The following ATP8B4 variants were observed in gnomAD, a reference collection of about 807,000 sequenced individuals.
ATP8B4 encodes probable phospholipid-transporting ATPase IM.
ATP8B4 carries 133 observed loss-of-function variants against 145.6 expected under a neutral mutation model. The ratio of observed to expected loss-of-function variants is 0.91; its 90% CI spans 0.79 to 1.05. The LOEUF (loss-of-function observed/expected upper bound fraction) is 1.05, where lower values mean the gene tolerates loss of function less well. Among genes scored for constraint, ATP8B4 ranks in the 50% least tolerant of loss-of-function variants. ATP8B4 has a pLI of 0.00. For synonymous variants in ATP8B4, 507 were observed against 492.9 expected, an observed-to-expected ratio of 1.03 and a Z score of -0.38; for missense variants, 1,458 against 1,425.2, an observed-to-expected ratio of 1.02 and a Z score of -0.37.
chr15:49,952,151 G>T (rs2043161130), intron 14 of ATP8B4, among the ~76,000 whole-genome samples: 2 of 152,190 alleles, frequency 1.3e-5, no homozygotes. Flanking sequence ...GGACCTTGGA[G>T]AATCTGAAGA....
intron 3 of ATP8B4, among the ~76,000 whole-genome samples, chr15:50,070,115 T>TG (rs1366094443): frequency 6.6e-6 from 1 of 152,214 alleles, no homozygotes; most frequent in Non-Finnish European, 1.5e-5. Flanking sequence ...GCCTTTCATA[T>TG]GGTGAGCCCT....
At chr15:50,054,005 T>A (rs1284731819) in intron 3 of ATP8B4, among the ~76,000 whole-genome samples, 1 of 152,178 alleles carries the variant, frequency 6.6e-6, no homozygotes, top group Non-Finnish European at 1.5e-5. Context: ...AGGACTATCA[T>A]GGAAATGAGA....
chr15:49,879,741 G>C, intron 23 of ATP8B4: 1 of 259,676 alleles, frequency 3.9e-6, no homozygotes. Flanking sequence ...CCCTAACATA[G>C]TGCGGGACAC....
intron 13 of ATP8B4, among the ~76,000 whole-genome samples, chr15:49,967,703 G>A (rs140425526): frequency 0.046 from 6,980 of 152,260 alleles, 228 homozygotes; most frequent in Middle Eastern, 0.11. Flanking sequence ...ACACCCTTCA[G>A]GATATTATCC....
At chr15:49,940,239 T>A (rs1027182639) in intron 14 of ATP8B4, among the ~76,000 whole-genome samples, 3 of 152,162 alleles carry the variant, frequency 2.0e-5, no homozygotes, top group African/African-American at 7.2e-5. Flanking sequence ...AATCATGCCC[T>A]TTGTAGCCAC....
chr15:50,061,788 T>C (rs918293204), intron 3 of ATP8B4, among the ~76,000 whole-genome samples: 1 of 152,168 alleles, frequency 6.6e-6, no homozygotes, highest in African/African-American at 2.4e-5. Flanking sequence ...AGTCAGGTCA[T>C]TTTTACACTA....
At chr15:49,901,668 A>C (rs1224376776) in intron 20 of ATP8B4, 1 of 300,534 alleles carries the variant, frequency 3.3e-6, no homozygotes, top group East Asian at 9.6e-5. Flanking sequence ...CAGGACATCT[A>C]TATATAAAAT....
intron 2 of ATP8B4, among the ~76,000 whole-genome samples, chr15:50,096,746 C>T (rs765839477): frequency 6.6e-6 from 1 of 152,140 alleles, no homozygotes; most frequent in Non-Finnish European, 1.5e-5. Flanking sequence ...CATCTTTTTG[C>T]ACAGAATTTT....
chr15:50,061,142 A>G (rs1362010664), intron 3 of ATP8B4, among the ~76,000 whole-genome samples: 1 of 152,100 alleles, frequency 6.6e-6, no homozygotes, highest in Non-Finnish European at 1.5e-5. Flanking sequence ...TCAGCTGAAG[A>G]TATTTTTCTG....
chr15:49,961,738 G>A (rs1675483615), intron 14 of ATP8B4, among the ~76,000 whole-genome samples: 1 of 151,932 alleles, frequency 6.6e-6, no homozygotes, highest in African/African-American at 2.4e-5. Context: ...TAAAAGGTGT[G>A]GAAATATAAT....
At chr15:50,032,438 T>C (rs2050521394) in intron 6 of ATP8B4, among the ~76,000 whole-genome samples, 1 of 152,220 alleles carries the variant, frequency 6.6e-6, no homozygotes, top group Non-Finnish European at 1.5e-5. Context: ...CTATCATTGA[T>C]GGGCATTTGG....
chr15:49,967,686 T>C (rs985712235), intron 13 of ATP8B4, among the ~76,000 whole-genome samples: 2 of 152,194 alleles, frequency 1.3e-5, no homozygotes, highest in African/African-American at 2.4e-5. Flanking sequence ...TGGAACCAAG[T>C]TGGAAAACAC....
intron 25 of ATP8B4, among the ~76,000 whole-genome samples, chr15:49,873,009 A>G (rs2033886932): frequency 1.3e-5 from 2 of 152,256 alleles, no homozygotes; most frequent in African/African-American, 4.8e-5. Flanking sequence ...CAACTCTTCT[A>G]CAAATTTAAA....
intron 1 of ATP8B4, among the ~76,000 whole-genome samples, chr15:50,164,098 C>A (rs748785581): frequency 3.9e-5 from 6 of 152,138 alleles, no homozygotes; most frequent in Non-Finnish European, 8.8e-5. Context: ...TCAGGGACCC[C>A]AGGAGCCTGC....
At chr15:50,076,386 G>C (rs2054172360) in intron 2 of ATP8B4, among the ~76,000 whole-genome samples, 1 of 152,124 alleles carries the variant, frequency 6.6e-6, no homozygotes, top group South Asian at 2.1e-4. Context: ...CAGCTACTTG[G>C]GAGGCTGAGG....
intron 3 of ATP8B4, 37 bp downstream of exon 3, chr15:50,074,090 T>C: frequency 6.3e-7 from 1 of 1,577,984 alleles, no homozygotes; most frequent in Non-Finnish European, 8.7e-7. Flanking sequence ...AGGTAAGACC[T>C]ATCCTAGTAC....
intron 14 of ATP8B4, among the ~76,000 whole-genome samples, chr15:49,940,296 C>T (rs991550867): frequency 1.3e-5 from 2 of 152,116 alleles, no homozygotes; most frequent in African/African-American, 4.8e-5. Flanking sequence ...AATGTAAGAG[C>T]ACAAAATCAA....
intron 19 of ATP8B4, among the ~76,000 whole-genome samples, chr15:49,918,534 T>C (rs2039962235): frequency 6.6e-6 from 1 of 152,174 alleles, no homozygotes; most frequent in South Asian, 2.1e-4. Flanking sequence ...ACAGTGTTCA[T>C]ATAAACCAAT....
At chr15:50,163,555 C>A (rs966391610) in intron 1 of ATP8B4, among the ~76,000 whole-genome samples, 7 of 152,174 alleles carry the variant, frequency 4.6e-5, no homozygotes, top group Non-Finnish European at 1.0e-4. Flanking sequence ...TGGCCACCAC[C>A]ACAGAGACTG....
Sources: gnomAD v4.1 joint callset for allele counts (sites outside exome capture counted in the v4.1 genomes callset) on GRCh38, gnomAD v4.1.1 for gene constraint, MANE v1.5 for transcripts, NCBI Gene and HGNC (gene_info 2026-07-23, HGNC 2026-07-21) for gene names.